NPY5R: variants seen among roughly 807,000 people sequenced by gnomAD.
NPY5R encodes the protein neuropeptide Y receptor Y5.
In NPY5R, 21 loss-of-function variants were observed where a neutral mutation model predicts 24.8. The observed-to-expected ratio is 0.85, with a 90% CI of 0.60 to 1.22. The LOEUF (loss-of-function observed/expected upper bound fraction) is 1.22. NPY5R is among the 50% of genes most tolerant of loss of function. NPY5R has a pLI of 0.00. For missense variants in NPY5R, 481 were observed against 521.3 expected (o/e 0.92, Z 0.75); for synonymous variants, 175 against 183.0 (o/e 0.96, Z 0.35).
rs1303542371 is a variant in NPY5R at position 163,350,200 on chromosome 4, A to T, written c.-9-65A>T. The T allele has an allele frequency of 5.9e-6, 7 of 1,195,800 alleles. No individual in the cohort carries two copies. The Admixed American group carries it at 1.4e-4, about 24-fold the overall frequency. 74.1% of individuals were successfully genotyped at this position (1,195,800 alleles called of 1,614,324 possible). On this transcript the variant is annotated intron_variant, in intron 3 of 3. Transcript: ENST00000338566. The stretch of plus-strand genomic sequence containing the variant: ...TAATATTTAGTTTCCCTCTGAATAG[A>T]TTAATTTAAAGTAGTCATGTAATGT...
Position 163,350,710 on chromosome 4 carries a change from C to A in NPY5R, c.437C>A (p.Pro146His). ...GTCAGGTATCATATGATAAAACATC[C>A]CATATCTAATAATTTAACAGCAAAC... Reference protein sequence around the residue: ...AIVRYHMIKHPISNNLTANHG... With the variant: ...AIVRYHMIKHHISNNLTANHG... Residue 146 changes from proline to histidine, a missense_variant, in exon 4 of 4, where the codon CCC becomes CAC. Coordinates refer to ENST00000338566, the MANE Select transcript of NPY5R (RefSeq NM_006174.4). The A allele has an allele frequency of 6.2e-7, 1 of 1,613,610 alleles. No homozygotes were observed. Among genetic ancestry groups the A allele is most frequent in the Non-Finnish European group, 8.5e-7 (1 of 1,179,656 alleles).
At chr4:163,344,985 T>C (rs562379296) in intron 1 of NPY5R, 14 of 152,290 alleles carry the variant, frequency 9.2e-5, no homozygotes, top group African/African-American at 3.1e-4. Context: ...GAACAAACCA[T>C]GGGAATATTT....
chr4:163,345,789 G>A (rs1735211610), intron 2 of NPY5R, 36 bp downstream of exon 2: 1 of 151,972 alleles, frequency 6.6e-6, no homozygotes, highest in African/African-American at 2.4e-5. Flanking sequence ...TTTTTTGTTT[G>A]TTTTTTCATT....
At chr4:163,345,864 T>A (rs924663405) in intron 2 of NPY5R, 111 bp downstream of exon 2, 2 of 152,186 alleles carry the variant, frequency 1.3e-5, no homozygotes, top group Admixed American at 1.3e-4. Context: ...TTCCTAATGT[T>A]TAAACTATCC....
Position 163,350,257 on chromosome 4 carries a change from C to T in NPY5R, c.-9-8C>T. The T allele has an allele frequency of 6.6e-7, 1 of 1,510,142 alleles. No homozygotes were observed. The highest frequency in any genetic ancestry group is 8.9e-7 in the Non-Finnish European group (1 of 1,129,838). The allele number at this position is 1,510,142 out of a possible 1,614,324, so 93.5% of individuals were successfully genotyped here. A position where few individuals can be genotyped will look rare whatever the true frequency, so the allele number is the denominator to read the frequency against. ...GGTTGCTGACAAATGTCTTTTTATT[C>T]CAAGCAGGACTATAATATGGATTTA... On this transcript the variant is annotated splice_polypyrimidine_tract_variant and splice_region_variant and intron_variant, in intron 3 of 3. Transcript: ENST00000338566.
chr4:163,349,540 A>G (rs1735391782), intron 3 of NPY5R, among the ~76,000 whole-genome samples: 1 of 152,240 alleles, frequency 6.6e-6, no homozygotes, highest in South Asian at 2.1e-4. Context: ...AGATTGAGAT[A>G]GAAATAAATG....
At chr4:163,349,258 A>T in intron 3 of NPY5R, 1 of 650,912 alleles carries the variant, frequency 1.5e-6, no homozygotes, top group Non-Finnish European at 1.9e-6. Flanking sequence ...TTTTGTTTGA[A>T]CGTTTTATTC....
Position 163,350,921 on chromosome 4 carries a change from G to A in NPY5R, c.648G>A (p.Leu216=). The A allele has an allele frequency of 6.2e-7, 1 of 1,613,950 alleles. No individual in the cohort carries two copies. Residue 216 remains leucine (L), a synonymous_variant, in exon 4 of 4, where the codon TTG becomes TTA. Transcript: ENST00000338566. ...GAATTGCCTTTACTATCTCTTTATT[G>A]CTAGTTCAGTATATTCTGCCCTTAG... The part of the protein sequence containing the change: ...SYRIAFTISL[L]LVQYILPLVC...
Position 163,350,442 on chromosome 4 carries a change from A to G in NPY5R, c.169A>G (p.Met57Val), listed in dbSNP as rs537633153. The G allele has an allele frequency of 6.2e-7, 1 of 1,613,798 alleles. No individual in the cohort carries two copies. Among genetic ancestry groups the G allele is most frequent in the African/African-American group, 1.3e-5 (1 of 74,998 alleles). ...TACATTTGTAAGTCTTCTTGGCTTT[A>G]TGGGGAATCTACTTATTTTAATGGC... ...LYTFVSLLGF[M>V]GNLLILMALM... Residue 57 changes from methionine to valine, a missense_variant, in exon 4 of 4, where the codon ATG becomes GTG. Coordinates refer to ENST00000338566, the MANE Select transcript of NPY5R (RefSeq NM_006174.4).
In NPY5R at chr4:163,351,197, C is replaced by T. The variant is rs761031263; in HGVS notation, c.924C>T (p.His308=). Residue 308 remains histidine, a synonymous_variant, in exon 4 of 4, where the codon CAC becomes CAT. Transcript: ENST00000338566. The part of the protein sequence containing the change: ...PAPERPSQEN[H]SRILPENFGS... ...CAGAAAGACCTTCTCAAGAGAACCACTCCAGAATACTTCCAGAAAACTTTG... is the reference window on the plus strand; with the variant it reads ...CAGAAAGACCTTCTCAAGAGAACCATTCCAGAATACTTCCAGAAAACTTTG... The T allele has an allele frequency of 3.7e-6, 6 of 1,614,116 alleles. No homozygotes were observed. Among genetic ancestry groups the T allele is most frequent in the Non-Finnish European group, 4.2e-6 (5 of 1,179,984 alleles).
rs1735492026 is a variant in NPY5R, at chr4:163,351,369, G to A, written c.1096G>A (p.Val366Ile). The A allele has an allele frequency of 6.2e-7, 1 of 1,613,586 alleles. No individual in the cohort carries two copies. Among genetic ancestry groups the A allele is most frequent in the South Asian group, 1.1e-5 (1 of 91,070 alleles). Residue 366 changes from valine (V) to isoleucine (I), a missense_variant, in exon 4 of 4, where the codon GTT (valine) becomes ATT (isoleucine). By Grantham distance (29) the Val-to-Ile change is conservative. Coordinates refer to ENST00000338566, the MANE Select transcript of NPY5R (RefSeq NM_006174.4). ...VTRIKKRSRS[V>I]FYRLTILILV... ...AAGAATAAAAAAGAGATCTCGAAGT[G>A]TTTTCTACAGACTGACCATACTGAT...
At position 163,347,960 on chromosome 4, in the gene NPY5R, T is replaced by C. The variant is rs754892769; in HGVS notation, c.-10+438T>C. ...AGTTGTGAAAAACTTGTAACTTTTCTCATAGCACAATGATGACTCTGTCAT... is the reference window on the plus strand; with the variant it reads ...AGTTGTGAAAAACTTGTAACTTTTCCCATAGCACAATGATGACTCTGTCAT... On this transcript the variant is annotated intron_variant, in intron 3 of 3. Transcript: ENST00000338566. 7.9e-5 allele frequency among the ~76,000 whole-genome samples: 12 copies of C among 152,190 alleles called. 1 individual carries two copies. Among genetic ancestry groups the C allele is most frequent in the Non-Finnish European group, 7.3e-5 (5 of 68,036 alleles).
intron 2 of NPY5R, among the ~76,000 whole-genome samples, chr4:163,346,329 A>T (rs1735248240): frequency 6.6e-6 from 1 of 152,140 alleles, no homozygotes; most frequent in Non-Finnish European, 1.5e-5. Flanking sequence ...TTCATCATCC[A>T]ATTTGGGGCC....
intron 2 of NPY5R, among the ~76,000 whole-genome samples, chr4:163,347,012 C>T: frequency 6.6e-6 from 1 of 152,088 alleles, no homozygotes. Flanking sequence ...CATATACACA[C>T]ATATATATGT....
In NPY5R at chr4:163,351,189, G is replaced by A. The variant is rs188410293; in HGVS notation, c.916G>A (p.Glu306Lys). Residue 306 changes from glutamate to lysine, a missense_variant, in exon 4 of 4, where the codon GAG (glutamate) becomes AAG (lysine). By Grantham distance (56) the Glu-to-Lys change is moderately conservative. Transcript: ENST00000338566. ...VLPAPERPSQ[E>K]NHSRILPENF... The stretch of plus-strand genomic sequence containing the variant: ...ACCTGCTCCAGAAAGACCTTCTCAA[G>A]AGAACCACTCCAGAATACTTCCAGA... 122 of 1,614,084 alleles carry A rather than the reference G, an allele frequency of 7.6e-5. 1 individual carries two copies. In the East Asian group the frequency reaches 2.6e-3, roughly 34 times the overall value.
rs377638516 is a variant in NPY5R at position 163,351,407 on chromosome 4, T to A, written c.1134T>A (p.Ala378=). The A allele has an allele frequency of 1.7e-5, 27 of 1,612,262 alleles. 1 individual carries two copies. Among genetic ancestry groups the A allele is most frequent in the Middle Eastern group, 3.3e-4 (2 of 6,076 alleles). The part of the protein sequence containing the change: ...YRLTILILVF[A]VSWMPLHLFH... ...TGACCATACTGATATTAGTATTTGC[T>A]GTTAGTTGGATGCCACTACACCTTT... Residue 378 remains alanine, a synonymous_variant, in exon 4 of 4, where the codon GCT becomes GCA. Transcript: ENST00000338566.
chr4:163,351,210 C>G lies in NPY5R; in HGVS notation c.937C>G (p.Pro313Ala), dbSNP rs1266592632. The G allele has an allele frequency of 1.2e-6, 2 of 1,614,118 alleles. No individual in the cohort carries two copies. Among genetic ancestry groups the G allele is most frequent in the East Asian group, 4.5e-5 (2 of 44,872 alleles). The change falls in exon 4 of 4, where the codon CCA becomes GCA. Residue 313 changes from proline to alanine, a missense_variant. Physicochemically the swap from Pro to Ala is conservative, Grantham distance 27. Coordinates refer to ENST00000338566, the MANE Select transcript of NPY5R (RefSeq NM_006174.4). Reference protein sequence around the residue: ...PSQENHSRILPENFGSVRSQL... With the variant: ...PSQENHSRILAENFGSVRSQL... ...TCAAGAGAACCACTCCAGAATACTTCCAGAAAACTTTGGCTCTGTAAGAAG... is the reference window on the plus strand; with the variant it reads ...TCAAGAGAACCACTCCAGAATACTTGCAGAAAACTTTGGCTCTGTAAGAAG...
At chr4:163,346,584 T>A (rs527262120) in intron 2 of NPY5R, among the ~76,000 whole-genome samples, 4 of 152,176 alleles carry the variant, frequency 2.6e-5, no homozygotes, top group Non-Finnish European at 5.9e-5. Flanking sequence ...TCTACTTTCT[T>A]AAAATACTCA....
chr4:163,347,310 A>C (rs1179941669), intron 2 of NPY5R, 142 bp from the exon 3 acceptor site: 1 of 152,202 alleles, frequency 6.6e-6, no homozygotes, highest in Non-Finnish European at 1.5e-5. Context: ...ATTACCACAA[A>C]TTGTGCTGCA....
Sources: gnomAD v4.1 joint callset for allele counts (sites outside exome capture counted in the v4.1 genomes callset) on GRCh38, gnomAD v4.1.1 for gene constraint, MANE v1.5 for transcripts, NCBI Gene and HGNC (gene_info 2026-07-23, HGNC 2026-07-21) for gene names.